Variants in KIAA1755 observed in about 807,000 individuals in gnomAD.
KIAA1755 encodes the protein uncharacterized protein KIAA1755.
In KIAA1755, 68 loss-of-function variants were observed where a neutral mutation model predicts 91.7. The ratio of observed to expected loss-of-function variants is 0.74; its 90% CI spans 0.61 to 0.91. The LOEUF is 0.91. Among genes scored for constraint, KIAA1755 ranks in the 40% least tolerant of loss-of-function variants. The pLI is 0.00. For synonymous variants in KIAA1755, 610 were observed against 604.6 expected, an observed-to-expected ratio of 1.01 and a Z score of -0.13; for missense variants, 1,535 against 1,494.4, an observed-to-expected ratio of 1.03 and a Z score of -0.45.
intron 11 of KIAA1755, among the ~76,000 whole-genome samples, chr20:38,219,251 G>A (rs533531245): frequency 9.9e-5 from 15 of 152,226 alleles, no homozygotes; most frequent in East Asian, 3.9e-4. Flanking sequence ...ATCAGACCCC[G>A]AGATATGCAA....
At chr20:38,255,510 G>C (rs1227063510) in intron 1 of KIAA1755, among the ~76,000 whole-genome samples, 1 of 152,206 alleles carries the variant, frequency 6.6e-6, no homozygotes, top group Non-Finnish European at 1.5e-5. Flanking sequence ...AAACACATCT[G>C]TGAGCCAGAT....
chr20:38,247,702 A>G (rs1469306567), intron 1 of KIAA1755, among the ~76,000 whole-genome samples: 1 of 152,220 alleles, frequency 6.6e-6, no homozygotes, highest in African/African-American at 2.4e-5. Context: ...TAATCAGCTG[A>G]CTTTAAAACA....
intron 1 of KIAA1755, among the ~76,000 whole-genome samples, chr20:38,258,774 G>A (rs905815438): frequency 6.6e-6 from 1 of 152,170 alleles, no homozygotes; most frequent in African/African-American, 2.4e-5. Context: ...AGGGAGGTAG[G>A]CTGGCAACAA....
At position 38,211,950 on chromosome 20, in the gene KIAA1755, G is replaced by C. The variant is rs1193891287; in HGVS notation, c.*1092C>G. On this transcript the variant is annotated 3_prime_UTR_variant, in exon 14 of 14. Transcript: ENST00000279024. Reference sequence around the variant, plus strand: ...AATGCTCTGGATGCCTCACGCCTCAGGGGGTGTTCAAGGATTCCATGCTGT... The same window carrying C: ...AATGCTCTGGATGCCTCACGCCTCACGGGGTGTTCAAGGATTCCATGCTGT... 1 of 152,204 alleles carries C rather than the reference G, an allele frequency of 6.6e-6. No individual in the cohort carries two copies. Among genetic ancestry groups the C allele is most frequent in the Non-Finnish European group, 1.5e-5 (1 of 68,048 alleles). 9.4% of individuals were successfully genotyped at this position (152,204 alleles called of 1,614,324 possible).
At chr20:38,244,991 AC>A (rs551638469) in intron 2 of KIAA1755, among the ~76,000 whole-genome samples, 115 of 152,128 alleles carry the variant, frequency 7.6e-4, no homozygotes, top group African/African-American at 2.6e-3. Context: ...CTCCCAAAGT[AC>A]TGGGATTACA....
chr20:38,243,256 G>A (rs573025951), intron 2 of KIAA1755, among the ~76,000 whole-genome samples: 31 of 152,274 alleles, frequency 2.0e-4, no homozygotes, highest in South Asian at 1.9e-3. Flanking sequence ...TATTGATTGC[G>A]GAAATAGTGA....
rs752393423 is a variant in KIAA1755 at position 38,225,794 on chromosome 20, G to C, written c.2053-13C>G. 1 of 1,480,818 alleles carries C rather than the reference G, an allele frequency of 6.8e-7. No individual in the cohort carries two copies. Among genetic ancestry groups the C allele is most frequent in the Non-Finnish European group, 9.1e-7 (1 of 1,099,160 alleles). 91.7% of individuals were successfully genotyped at this position (1,480,818 alleles called of 1,614,324 possible). ...TCAGCACCTCCACCTGCAGACCAAA[G>C]AATCAGGAGAACCAGGGACTCAAAG... On this transcript the variant is annotated splice_polypyrimidine_tract_variant and intron_variant, in intron 7 of 13. Transcript: ENST00000279024.
chr20:38,260,056 T>C (rs1600675660), intron 1 of KIAA1755: 1 of 445,104 alleles, frequency 2.2e-6, no homozygotes, highest in Middle Eastern at 8.8e-4. Context: ...TTAACCCTCC[T>C]CGCCCTGCAC....
chr20:38,232,222 G>A (rs376840217), intron 4 of KIAA1755, among the ~76,000 whole-genome samples: 7 of 152,128 alleles, frequency 4.6e-5, no homozygotes, highest in East Asian at 1.9e-4. Context: ...CACAGCTCAC[G>A]AAGCCTTGGA....
intron 10 of KIAA1755, among the ~76,000 whole-genome samples, chr20:38,221,470 GTGCAGCTC>G (rs2075658020): frequency 6.6e-6 from 1 of 152,164 alleles, no homozygotes; most frequent in African/African-American, 2.4e-5. Flanking sequence ...CTCAAGTCTA[GTGCAGCTC>G]TGGGTGGTGT....
chr20:38,260,547 C>T lies in KIAA1755; in HGVS notation c.-47G>A, dbSNP rs774210681. On this transcript the variant is annotated 5_prime_UTR_variant, in exon 1 of 14. Coordinates refer to ENST00000279024, the MANE Select transcript of KIAA1755 (RefSeq NM_001029864.2). Reference sequence around the variant, plus strand: ...GGCGGCGCGGCTCCTCTCCTGGGCGCGGGGTCTGTGGGTCCGCGGGTCCGT... The same window carrying T: ...GGCGGCGCGGCTCCTCTCCTGGGCGTGGGGTCTGTGGGTCCGCGGGTCCGT... The T allele has an allele frequency of 3.4e-6, 5 of 1,480,600 alleles. No homozygotes were observed. The Admixed American group carries it at 1.0e-4, about 30-fold the overall frequency. 91.7% of individuals were successfully genotyped at this position (1,480,600 alleles called of 1,614,324 possible).
At chr20:38,214,143 G>C (rs937079722) in intron 13 of KIAA1755, among the ~76,000 whole-genome samples, 9 of 152,024 alleles carry the variant, frequency 5.9e-5, no homozygotes, top group Admixed American at 1.3e-4. Context: ...GTAGGACGGG[G>C]TTTCACCTTG....
chr20:38,260,518 G>C lies in KIAA1755; in HGVS notation c.-18C>G, dbSNP rs554805919. 1.6e-5 allele frequency: 23 copies of C among 1,481,486 alleles called. No homozygotes were observed. The highest frequency in any genetic ancestry group is 2.0e-5 in the Non-Finnish European group (22 of 1,118,400). The allele number at this position is 1,481,486 out of a possible 1,614,324, so 91.8% of individuals were successfully genotyped here. On this transcript the variant is annotated 5_prime_UTR_variant, in exon 1 of 14. Coordinates refer to ENST00000279024, the MANE Select transcript of KIAA1755 (RefSeq NM_001029864.2). ...GTTACCATGGTGACGGGCTGCCAGCGGCGGGCGGCGCGGCTCCTCTCCTGG... is the reference window on the plus strand; with the variant it reads ...GTTACCATGGTGACGGGCTGCCAGCCGCGGGCGGCGCGGCTCCTCTCCTGG...
At chr20:38,216,483 G>A (rs1021595557) in intron 13 of KIAA1755, among the ~76,000 whole-genome samples, 4 of 152,214 alleles carry the variant, frequency 2.6e-5, no homozygotes, top group African/African-American at 9.6e-5. Flanking sequence ...CTTTGTCCTT[G>A]GTGACAAGTG....
At position 38,241,878 on chromosome 20, in the gene KIAA1755, TCAGA is replaced by T. The variant is rs1211585483; in HGVS notation, c.249_252del (p.Cys83Ter). 3 of 1,613,896 alleles carry T rather than the reference TCAGA, an allele frequency of 1.9e-6. No homozygotes were observed. The highest frequency in any genetic ancestry group is 1.1e-5 in the South Asian group (1 of 91,086). Reference sequence around the variant, plus strand: ...GCCAAGTGGACCACAACTTCATCCCTCAGACAGAGTGGCCAGCCCTCGTGTAAGA... The same window carrying T: ...GCCAAGTGGACCACAACTTCATCCCTCAGAGTGGCCAGCCCTCGTGTAAGA... On this transcript the variant is annotated frameshift_variant, in exon 3 of 14. Transcript: ENST00000279024. LOFTEE classifies it high-confidence loss of function.
chr20:38,231,565 C>G (rs904198643), intron 4 of KIAA1755, among the ~76,000 whole-genome samples: 1 of 152,284 alleles, frequency 6.6e-6, no homozygotes, highest in African/African-American at 2.4e-5. Flanking sequence ...GTATAAGATA[C>G]GTGGGCAGGC....
chr20:38,220,297 CTT>C (rs35575614), intron 10 of KIAA1755, among the ~76,000 whole-genome samples: 18 of 134,382 alleles, frequency 1.3e-4, no homozygotes, highest in Non-Finnish European at 2.1e-4. Flanking sequence ...TGATGTTTCC[CTT>C]TTTTTTTTTT....
chr20:38,222,726 T>A (rs1178623597), intron 9 of KIAA1755, 129 bp from the exon 10 acceptor site: 7 of 1,008,576 alleles, frequency 6.9e-6, no homozygotes, highest in Non-Finnish European at 1.0e-5. Context: ...AGTCTGTCAT[T>A]TCTGTCTCTA....
chr20:38,218,023 C>A, intron 12 of KIAA1755: 1 of 608,360 alleles, frequency 1.6e-6, no homozygotes, highest in Non-Finnish European at 2.8e-6. Flanking sequence ...TTTAAGAAAC[C>A]CTCTGGGGGA....
Sources: gnomAD v4.1 joint callset for allele counts (sites outside exome capture counted in the v4.1 genomes callset) on GRCh38, gnomAD v4.1.1 for gene constraint, MANE v1.5 for transcripts, NCBI Gene and HGNC (gene_info 2026-07-23, HGNC 2026-07-21) for gene names.